Variants in KCNQ1 observed in about 807,000 individuals in gnomAD.
KCNQ1 encodes potassium voltage-gated channel subfamily KQT member 1.
KCNQ1 carries 49 observed loss-of-function variants against 72.4 expected under a neutral mutation model. That is an observed-to-expected ratio of 0.68 (90% CI 0.54 to 0.86). KCNQ1 has a LOEUF of 0.86. KCNQ1 is among the 40% of genes least tolerant of loss of function. KCNQ1 has a pLI of 0.00. For synonymous variants in KCNQ1, 450 were observed against 412.6 expected (o/e 1.09, Z -1.10); for missense variants, 790 against 945.1 (o/e 0.84, Z 2.15).
At chr11:2,656,681 T>C (rs1849854494) in intron 10 of KCNQ1, 1 of 398,528 alleles carries the variant, frequency 2.5e-6, no homozygotes, top group Middle Eastern at 6.3e-4. Flanking sequence ...GGCACTGTCT[T>C]TTCACTCTTT....
chr11:2,733,857 C>CTCTCTCTCTCTCTTTCTCTCT (rs147278439), intron 11 of KCNQ1, among the ~76,000 whole-genome samples: 1 of 76,322 alleles, frequency 1.3e-5, no homozygotes, highest in Non-Finnish European at 2.5e-5. Flanking sequence ...CTCTCTCTCT[C>CTCTCTCTCTCTCTTTCTCTCT]CCCCCCCACT....
chr11:2,490,946 T>A (rs541629096), intron 1 of KCNQ1, among the ~76,000 whole-genome samples: 6 of 152,300 alleles, frequency 3.9e-5, no homozygotes, highest in Non-Finnish European at 5.9e-5. Flanking sequence ...CCTCAGGTGA[T>A]CTGCCCGCCT....
Position 2,828,936 on chromosome 11 carries a change from G to T in KCNQ1, c.1795-18831G>T, listed in dbSNP as rs573286039. On this transcript the variant is annotated intron_variant, in intron 15 of 15. Coordinates refer to ENST00000155840, the MANE Select transcript of KCNQ1 (RefSeq NM_000218.3). This position sits in a 1 kb window ranked among gnomAD's most constrained non-coding sequence, Gnocchi z 5.3. ...CAAAACGGTATCCAATTTCTTAACA[G>T]CAATTCAGAAAGCTAGCACATAGTA... Among the ~76,000 whole-genome samples, 3 of 152,288 alleles carry T rather than the reference G, an allele frequency of 2.0e-5. No homozygotes were observed. In the East Asian group the frequency reaches 5.8e-4, roughly 29 times the overall value.
In KCNQ1 at chr11:2,621,055, G is replaced by A; in HGVS notation, c.1393+32201G>A. ...TGCAGTGGCGCAATCTCGGCTCACT[G>A]CAACCTCCACCTCCTGGGTTCAAGC... On this transcript the variant is annotated intron_variant, in intron 10 of 15. Coordinates refer to ENST00000155840, the MANE Select transcript of KCNQ1 (RefSeq NM_000218.3). The surrounding 1 kb of genome is among the most constrained non-coding windows in gnomAD (Gnocchi z 5.7). 2 of 396,578 alleles carry A rather than the reference G, an allele frequency of 5.0e-6. No homozygotes were observed. Among genetic ancestry groups the A allele is most frequent in the Non-Finnish European group, 8.9e-6 (2 of 225,684 alleles). 24.6% of individuals were successfully genotyped at this position (396,578 alleles called of 1,614,324 possible).
intron 2 of KCNQ1, among the ~76,000 whole-genome samples, chr11:2,560,417 C>T (rs1472713175): frequency 4.5e-5 from 3 of 67,054 alleles, no homozygotes; most frequent in South Asian, 6.9e-4. Flanking sequence ...TGGGGGGTGA[C>T]GTCCATCCTG....
In KCNQ1 at chr11:2,445,153, C is replaced by T; in HGVS notation, c.55C>T (p.Arg19Cys). ...CGAGAGGAAGCGCTGGGGTTGGGGC[C>T]GCCTGCCAGGCGCCCGGCGGGGCAG... ...RAERKRWGWG[R>C]LPGARRGSAG... is the part of the protein sequence containing the mutation. The change falls in exon 1 of 16, where the codon CGC (arginine) becomes TGC (cysteine). Residue 19 changes from arginine (R) to cysteine (C), a missense_variant. Around this residue, in one of 5 missense-constraint regions of KCNQ1, gnomAD observed 294 missense variants for 323.3 expected, o/e 0.91. Coordinates refer to ENST00000155840, the MANE Select transcript of KCNQ1 (RefSeq NM_000218.3). 1 of 1,134,110 alleles carries T rather than the reference C, an allele frequency of 8.8e-7. No individual in the cohort carries two copies. Among genetic ancestry groups the T allele is most frequent in the Non-Finnish European group, 1.1e-6 (1 of 921,750 alleles). The allele number at this position is 1,134,110 out of a possible 1,614,324, so 70.3% of individuals were successfully genotyped here. A position where few individuals can be genotyped will look rare whatever the true frequency, so the allele number is the denominator to read the frequency against.
chr11:2,649,254 T>C (rs1430498282), intron 10 of KCNQ1: 3 of 398,378 alleles, frequency 7.5e-6, no homozygotes, highest in Non-Finnish European at 1.3e-5. Flanking sequence ...TGTCATTTTA[T>C]TGTTTTCTGA....
intron 2 of KCNQ1, among the ~76,000 whole-genome samples, chr11:2,531,614 G>A (rs1038423406): frequency 2.0e-5 from 3 of 152,158 alleles, no homozygotes; most frequent in Non-Finnish European, 4.4e-5. Context: ...AGCAGGAACC[G>A]GCCCTTTCAC....
chr11:2,514,537 C>T (rs1241264678), intron 1 of KCNQ1, among the ~76,000 whole-genome samples: 2 of 152,200 alleles, frequency 1.3e-5, no homozygotes, highest in African/African-American at 4.8e-5. Flanking sequence ...AAGACTTGGC[C>T]GGGCGAGGTG....
intron 15 of KCNQ1, among the ~76,000 whole-genome samples, chr11:2,804,654 G>T (rs776379593): frequency 3.9e-5 from 6 of 152,238 alleles, no homozygotes; most frequent in Non-Finnish European, 8.8e-5. Context: ...AAGCTAACGA[G>T]TGGGGTTGCA....
chr11:2,504,153 AAGAATG>A (rs1244426125), intron 1 of KCNQ1, among the ~76,000 whole-genome samples: 3 of 152,248 alleles, frequency 2.0e-5, no homozygotes, highest in Non-Finnish European at 2.9e-5. Context: ...AGCCATGAAA[AAGAATG>A]AGAACGTGTC....
At chr11:2,531,192 CCG>C (rs1847621261) in intron 2 of KCNQ1, among the ~76,000 whole-genome samples, 7 of 142,264 alleles carry the variant, frequency 4.9e-5, no homozygotes, top group Non-Finnish European at 9.1e-5. Context: ...CTCCACATGC[CCG>C]TCTGCAGCTC....
At chr11:2,573,232 G>A (rs1848368692) in intron 6 of KCNQ1, among the ~76,000 whole-genome samples, 1 of 152,200 alleles carries the variant, frequency 6.6e-6, no homozygotes, top group Non-Finnish European at 1.5e-5. Context: ...TGAGATTTGA[G>A]AGGGAAATCG....
chr11:2,773,080 C>T (rs1232823938), intron 12 of KCNQ1, among the ~76,000 whole-genome samples: 1 of 152,232 alleles, frequency 6.6e-6, no homozygotes, highest in Non-Finnish European at 1.5e-5. Flanking sequence ...TCACTCCCTC[C>T]CTTAAGGCAG....
At position 2,652,362 on chromosome 11, in the gene KCNQ1, G is replaced by A. The variant is rs1438229053; in HGVS notation, c.1394-9599G>A. 1.3e-5 allele frequency: 5 copies of A among 398,542 alleles called. No individual in the cohort carries two copies. Among genetic ancestry groups the A allele is most frequent in the Admixed American group, 4.4e-5 (1 of 22,714 alleles). 24.7% of individuals were successfully genotyped at this position (398,542 alleles called of 1,614,324 possible). On this transcript the variant is annotated intron_variant, in intron 10 of 15. Coordinates refer to ENST00000155840, the MANE Select transcript of KCNQ1 (RefSeq NM_000218.3). This position sits in a 1 kb window ranked among gnomAD's most constrained non-coding sequence, Gnocchi z 5.9. ...ACATTTCCGCGATGTTGTGATGAAG[G>A]TGAAAAGATCGCTCTTAATTAGATT... is the stretch of plus-strand genomic sequence containing the variant.
In KCNQ1 at chr11:2,628,088, A is replaced by G. The variant is rs188992605; in HGVS notation, c.1394-33873A>G. The G allele has an allele frequency of 3.4e-4, 134 of 398,602 alleles. No individual in the cohort carries two copies. Among genetic ancestry groups the G allele is most frequent in the African/African-American group, 2.0e-3 (99 of 48,752 alleles). 24.7% of individuals were successfully genotyped at this position (398,602 alleles called of 1,614,324 possible). On this transcript the variant is annotated intron_variant, in intron 10 of 15. Coordinates refer to ENST00000155840, the MANE Select transcript of KCNQ1 (RefSeq NM_000218.3). ...CTCATTTCTTGACTACTGTAACACT[A>G]CAATGAACATGGGAGTGCAGATACC...
rs1019360025 is a variant in KCNQ1, at chr11:2,720,379, C to A, written c.1515-48465C>A. 6.6e-6 allele frequency among the ~76,000 whole-genome samples: 1 copy of A among 152,156 alleles called. No individual in the cohort carries two copies. On this transcript the variant is annotated intron_variant, in intron 11 of 15. Transcript: ENST00000155840. The surrounding 1 kb of genome is among the most constrained non-coding windows in gnomAD (Gnocchi z 5.1). ...CCGGGGCCCGGCTACAGTCAGGCCT[C>A]CTTCGTGCTGAGCATGTGCTGGCCC...
intron 2 of KCNQ1, among the ~76,000 whole-genome samples, chr11:2,528,557 G>C (rs1847550976): frequency 6.6e-6 from 1 of 152,242 alleles, no homozygotes; most frequent in Non-Finnish European, 1.5e-5. Context: ...CCCCAAAGTT[G>C]ATCTGGCCGT....
At chr11:2,775,757 A>G (rs1443394670) in intron 12 of KCNQ1, among the ~76,000 whole-genome samples, 1 of 152,172 alleles carries the variant, frequency 6.6e-6, no homozygotes, top group African/African-American at 2.4e-5. Flanking sequence ...ATGGCCCAGG[A>G]CTACCCAGAG....
Sources: allele counts gnomAD v4.1 joint callset (sites outside exome capture counted in the v4.1 genomes callset), GRCh38; gene constraint gnomAD v4.1.1; regional missense constraint gnomAD v4.1.1; non-coding constraint Gnocchi (gnomAD v3.1); transcripts MANE v1.5; gene names NCBI Gene and HGNC (gene_info 2026-07-23, HGNC 2026-07-21).